Variants in CNTNAP5 observed in about 807,000 individuals in gnomAD.
CNTNAP5 encodes the protein contactin associated protein family member 5.
A neutral mutation model predicts 150.2 loss-of-function variants in CNTNAP5; 72 were observed. That is an observed-to-expected ratio of 0.48 (90% confidence interval 0.40 to 0.58). The LOEUF (loss-of-function observed/expected upper bound fraction) is 0.58, where lower values mean the gene tolerates loss of function less well. Among genes scored for constraint, CNTNAP5 ranks in the 20% least tolerant of loss-of-function variants. The pLI is 0.00. For missense variants in CNTNAP5, 1,636 were observed against 1,626.2 expected, an observed-to-expected ratio of 1.01 and a Z score of -0.10; for synonymous variants, 672 against 619.8, an observed-to-expected ratio of 1.08 and a Z score of -1.25.
chr2:124,209,107 C>T (rs1246737123), intron 1 of CNTNAP5, among the ~76,000 whole-genome samples: 2 of 152,126 alleles, frequency 1.3e-5, no homozygotes, highest in Non-Finnish European at 2.9e-5. Context: ...GTGATGTTTC[C>T]ATTCTATCTC....
At chr2:124,567,082 C>T (rs576426284) in intron 11 of CNTNAP5, among the ~76,000 whole-genome samples, 2 of 152,080 alleles carry the variant, frequency 1.3e-5, no homozygotes, top group Non-Finnish European at 2.9e-5. Flanking sequence ...TCAAGCTCTT[C>T]GAAAACAGTC....
chr2:124,148,279 A>G (rs1226482819), intron 1 of CNTNAP5, among the ~76,000 whole-genome samples: 1 of 151,434 alleles, frequency 6.6e-6, no homozygotes, highest in African/African-American at 2.4e-5. Flanking sequence ...AGCCTGGGCA[A>G]CAGAGCGAGA....
rs549813560 is a variant in CNTNAP5 at position 124,784,590 on chromosome 2, T to C, written c.2753-5312T>C. Among the ~76,000 whole-genome samples, 3 of 152,298 alleles carry C rather than the reference T, an allele frequency of 2.0e-5. No individual in the cohort carries two copies. In the South Asian group the frequency reaches 6.2e-4, roughly 32 times the overall value. ...TGGTCTAAGTTGTCAAAAAGACTGA[T>C]AGAGAATCCCAGAGAATAAATGCAT... is the stretch of plus-strand genomic sequence containing the variant. On this transcript the variant is annotated intron_variant, in intron 17 of 23. Coordinates refer to ENST00000682447, the MANE Select transcript of CNTNAP5 (RefSeq NM_001367498.1).
intron 5 of CNTNAP5, among the ~76,000 whole-genome samples, chr2:124,435,866 T>A (rs758772229): frequency 6.6e-6 from 1 of 152,098 alleles, no homozygotes. Flanking sequence ...ATTTCAAAGT[T>A]TAACTCAAAA....
At chr2:124,440,970 G>A (rs1173876990) in intron 5 of CNTNAP5, among the ~76,000 whole-genome samples, 1 of 151,974 alleles carries the variant, frequency 6.6e-6, no homozygotes, top group African/African-American at 2.4e-5. Flanking sequence ...AGAATTAAGT[G>A]TTTTGTGATC....
intron 13 of CNTNAP5, among the ~76,000 whole-genome samples, chr2:124,732,067 A>G (rs1052393088): frequency 2.0e-5 from 3 of 152,152 alleles, no homozygotes; most frequent in Non-Finnish European, 4.4e-5. Context: ...AGAAATTTTT[A>G]AAAATGTATT....
At chr2:124,528,359 C>G (rs911996059) in intron 10 of CNTNAP5, among the ~76,000 whole-genome samples, 1 of 152,074 alleles carries the variant, frequency 6.6e-6, no homozygotes, top group Admixed American at 6.6e-5. Context: ...GAGAATGAGT[C>G]GAAGAAGGTT....
At position 124,230,591 on chromosome 2, in the gene CNTNAP5, G is replaced by A. The variant is rs11897578; in HGVS notation, c.187+8782G>A. The stretch of plus-strand genomic sequence containing the variant: ...CTGTCACCCAGGCTGGGGTGCTGTG[G>A]CATGATCTCGGCTCACTGCAACCTC... On this transcript the variant is annotated intron_variant, in intron 2 of 23. Transcript: ENST00000682447. Among the ~76,000 whole-genome samples, 375 of 151,608 alleles carry A rather than the reference G, an allele frequency of 2.5e-3. 1 individual carries two copies. The highest frequency in any genetic ancestry group is 8.8e-3 in the African/African-American group (365 of 41,314).
intron 1 of CNTNAP5, among the ~76,000 whole-genome samples, chr2:124,133,538 G>T (rs1371144): frequency 1.3e-5 from 2 of 152,024 alleles, no homozygotes; most frequent in Non-Finnish European, 2.9e-5. Context: ...CTGCTTATCT[G>T]GCTGGAGTTG....
At chr2:124,176,842 GT>G (rs71394026) in intron 1 of CNTNAP5, among the ~76,000 whole-genome samples, 39,130 of 119,846 alleles carry the variant, frequency 0.33, 6,534 homozygotes, top group East Asian at 0.48. Flanking sequence ...GTTATTGCTG[GT>G]TTTTTTTTTT....
chr2:124,511,565 G>A (rs1694591023), intron 8 of CNTNAP5, among the ~76,000 whole-genome samples: 1 of 152,188 alleles, frequency 6.6e-6, no homozygotes, highest in African/African-American at 2.4e-5. Context: ...TTTGCTGAAG[G>A]AGAGGATCAG....
chr2:124,535,888 A>T (rs1695220497), intron 10 of CNTNAP5, among the ~76,000 whole-genome samples: 1 of 152,226 alleles, frequency 6.6e-6, no homozygotes, highest in Non-Finnish European at 1.5e-5. Context: ...GTAAACACTG[A>T]AAGTTGGCAA....
intron 3 of CNTNAP5, among the ~76,000 whole-genome samples, chr2:124,326,687 G>C (rs1689226271): frequency 6.6e-6 from 1 of 152,088 alleles, no homozygotes; most frequent in African/African-American, 2.4e-5. Flanking sequence ...CACTTTGGGA[G>C]GCCGAGGCAG....
intron 1 of CNTNAP5, among the ~76,000 whole-genome samples, chr2:124,050,520 A>G (rs912291996): frequency 2.6e-5 from 4 of 152,118 alleles, no homozygotes; most frequent in Non-Finnish European, 4.4e-5. Context: ...AAGATCTTAG[A>G]AAGAGAAAGG....
intron 11 of CNTNAP5, among the ~76,000 whole-genome samples, chr2:124,588,217 T>C (rs1246433499): frequency 3.4e-5 from 5 of 147,426 alleles, no homozygotes; most frequent in Admixed American, 6.9e-5. Flanking sequence ...TCTTTCTTTC[T>C]TTCTTTCTTT....
chr2:124,792,348 C>T (rs1681752665), intron 18 of CNTNAP5, among the ~76,000 whole-genome samples: 1 of 152,074 alleles, frequency 6.6e-6, no homozygotes, highest in South Asian at 2.1e-4. Context: ...CTTATTGGGG[C>T]TCATAAAGGT....
intron 11 of CNTNAP5, among the ~76,000 whole-genome samples, chr2:124,587,566 C>T (rs535730374): frequency 6.6e-6 from 1 of 152,092 alleles, no homozygotes; most frequent in Admixed American, 6.5e-5. Context: ...CTCTTATTGC[C>T]TCTTTCTGGC....
At chr2:124,166,715 C>T (rs928416789) in intron 1 of CNTNAP5, among the ~76,000 whole-genome samples, 2 of 152,106 alleles carry the variant, frequency 1.3e-5, no homozygotes, top group African/African-American at 4.8e-5. Flanking sequence ...CAGTGATGGC[C>T]ACCAGAGGGA....
At chr2:124,392,906 AT>A (rs1205320257) in intron 3 of CNTNAP5, among the ~76,000 whole-genome samples, 2 of 152,210 alleles carry the variant, frequency 1.3e-5, no homozygotes, top group African/African-American at 4.8e-5. Context: ...CCTTAAATAT[AT>A]TCAGGCATGT....
Sources: gnomAD v4.1 joint callset for allele counts (sites outside exome capture counted in the v4.1 genomes callset) on GRCh38, gnomAD v4.1.1 for gene constraint, MANE v1.5 for transcripts, NCBI Gene and HGNC (gene_info 2026-07-23, HGNC 2026-07-21) for gene names.